The following OCA2 variants were observed in gnomAD, a reference collection of about 807,000 sequenced individuals.
The protein encoded by OCA2 is P protein.
OCA2 carries 77 observed loss-of-function variants against 100.2 expected under a neutral mutation model. The ratio of observed to expected loss-of-function variants is 0.77; its 90% confidence interval spans 0.64 to 0.93. OCA2 has a LOEUF of 0.93. OCA2 is among the 40% of genes least tolerant of loss of function. OCA2 has a pLI of 0.00. For synonymous variants in OCA2, 432 were observed against 439.2 expected (o/e 0.98, Z 0.21); for missense variants, 1,062 against 1,089.1 (o/e 0.98, Z 0.35).
chr15:28,053,553 C>A (rs886715201), intron 2 of OCA2, among the ~76,000 whole-genome samples: 1 of 152,184 alleles, frequency 6.6e-6, no homozygotes, highest in Non-Finnish European at 1.5e-5. Flanking sequence ...ACAGCTGTTC[C>A]ACTCAGGGCT....
intron 4 of OCA2, among the ~76,000 whole-genome samples, chr15:28,025,663 CA>C (rs2042727808): frequency 6.6e-6 from 1 of 152,234 alleles, no homozygotes. Context: ...AGCCAGACCC[CA>C]TCACCCAATG....
rs913485252 is a variant in OCA2, at chr15:28,031,408, C to T, written c.326+657G>A. Among the ~76,000 whole-genome samples, 5 of 152,312 alleles carry T rather than the reference C, an allele frequency of 3.3e-5. No individual in the cohort carries two copies. In the South Asian group the frequency reaches 6.2e-4, roughly 19 times the overall value. The stretch of plus-strand genomic sequence containing the variant: ...TGGAGCAGGCGGCTCAGGCTTCTGG[C>T]GGTTTGTTTGCAGAAAGAAAAGAAG... On this transcript the variant is annotated intron_variant, in intron 3 of 23. Transcript: ENST00000354638.
chr15:27,847,294 G>A (rs1205836803), intron 22 of OCA2, among the ~76,000 whole-genome samples: 3 of 152,238 alleles, frequency 2.0e-5, no homozygotes, highest in Non-Finnish European at 4.4e-5. Context: ...AGGGCGGGGA[G>A]CTGGTGCTAG....
chr15:27,890,467 T>C (rs1196995519), intron 19 of OCA2, among the ~76,000 whole-genome samples: 1 of 152,184 alleles, frequency 6.6e-6, no homozygotes, highest in Non-Finnish European at 1.5e-5. Flanking sequence ...AGCCAGAAAG[T>C]ACTATGCGTT....
intron 1 of OCA2, 149 bp from the exon 2 acceptor site, chr15:28,082,044 G>A (rs2044651847): frequency 1.5e-6 from 1 of 688,060 alleles, no homozygotes; most frequent in South Asian, 1.8e-5. Context: ...TTTCACCCTA[G>A]TGAGAAGTGA....
intron 23 of OCA2, among the ~76,000 whole-genome samples, chr15:27,760,626 C>T (rs2030760974): frequency 1.3e-5 from 2 of 151,838 alleles, no homozygotes; most frequent in African/African-American, 4.8e-5. Flanking sequence ...AAACAGGAGT[C>T]ATCACAAAAA....
chr15:27,820,507 A>G (rs1225839849), intron 23 of OCA2, among the ~76,000 whole-genome samples: 1 of 152,224 alleles, frequency 6.6e-6, no homozygotes, highest in Non-Finnish European at 1.5e-5. Flanking sequence ...CCTACAAGAC[A>G]CATGACCGAT....
At chr15:27,920,058 A>G (rs2038802855) in intron 19 of OCA2, among the ~76,000 whole-genome samples, 1 of 152,156 alleles carries the variant, frequency 6.6e-6, no homozygotes, top group South Asian at 2.1e-4. Context: ...AGAGACAAAG[A>G]TAAGGAAAAA....
At chr15:27,988,334 T>C (rs1252405446) in intron 11 of OCA2, among the ~76,000 whole-genome samples, 1 of 151,282 alleles carries the variant, frequency 6.6e-6, no homozygotes, top group African/African-American at 2.4e-5. Context: ...AAAATTCATA[T>C]GTTCACCTCC....
chr15:27,814,929 T>C lies in OCA2; in HGVS notation c.2432+30030A>G, dbSNP rs192345091. ...ATAGATAGATAGATAGATAGATAGA[T>C]AGATAGATAGATAGATACAGAGATA... On this transcript the variant is annotated intron_variant, in intron 23 of 23. Coordinates refer to ENST00000354638, the MANE Select transcript of OCA2 (RefSeq NM_000275.3). Among the ~76,000 whole-genome samples, 14 of 149,564 alleles carry C rather than the reference T, an allele frequency of 9.4e-5. No individual in the cohort carries two copies. In the East Asian group the frequency reaches 1.2e-3, roughly 13 times the overall value.
In OCA2 at chr15:27,957,483, A is replaced by G; in HGVS notation, c.1784+105T>C. 7.5e-7 allele frequency: 1 copy of G among 1,332,876 alleles called. No individual in the cohort carries two copies. Among genetic ancestry groups the G allele is most frequent in the Non-Finnish European group, 1.1e-6 (1 of 931,940 alleles). The allele number at this position is 1,332,876 out of a possible 1,614,324, so 82.6% of individuals were successfully genotyped here. ...TAAGAGGCTTAGCACAGTGTGCGTC[A>G]CCTAAATATCACGTATTAGTATACA... is the stretch of plus-strand genomic sequence containing the variant. On this transcript the variant is annotated intron_variant, in intron 16 of 23. Coordinates refer to ENST00000354638, the MANE Select transcript of OCA2 (RefSeq NM_000275.3). The surrounding 1 kb of genome is among the most constrained non-coding windows in gnomAD (Gnocchi z 4.3).
intron 23 of OCA2, among the ~76,000 whole-genome samples, chr15:27,823,577 C>A (rs1433866116): frequency 6.6e-6 from 1 of 152,044 alleles, no homozygotes; most frequent in Admixed American, 6.6e-5. Flanking sequence ...CAAAAGAAAT[C>A]AAAAACATTT....
At chr15:27,840,237 A>G (rs550044422) in intron 23 of OCA2, among the ~76,000 whole-genome samples, 1 of 152,152 alleles carries the variant, frequency 6.6e-6, no homozygotes, top group African/African-American at 2.4e-5. Context: ...GCAGCAATGA[A>G]CAAGGCAGAA....
chr15:27,736,800 C>A, the OCA2 span, among the ~76,000 whole-genome samples: 1 of 152,082 alleles, frequency 6.6e-6, no homozygotes, highest in African/African-American at 2.4e-5. Flanking sequence ...ATGTTGAAAG[C>A]TTTCACTATG....
rs569150490 is a variant in OCA2, at chr15:27,986,136, G to A, written c.1239+451C>T. ...GACAGGACAGGTACAAATCCTGGAGGCCAGAGCTGGCTGGTGAAGCTCCCC... is the reference window on the plus strand; with the variant it reads ...GACAGGACAGGTACAAATCCTGGAGACCAGAGCTGGCTGGTGAAGCTCCCC... On this transcript the variant is annotated intron_variant, in intron 12 of 23. Transcript: ENST00000354638. 5.3e-5 allele frequency among the ~76,000 whole-genome samples: 8 copies of A among 152,300 alleles called. No homozygotes were observed. The East Asian group carries it at 1.2e-3, about 22-fold the overall frequency.
intron 15 of OCA2, among the ~76,000 whole-genome samples, chr15:27,965,503 C>T (rs2040535406): frequency 6.6e-6 from 1 of 152,158 alleles, no homozygotes; most frequent in African/African-American, 2.4e-5. Context: ...GAAAGTCACA[C>T]AGATCTGTCT....
chr15:28,095,487 C>A (rs1282049442), intron 1 of OCA2, among the ~76,000 whole-genome samples: 3 of 152,152 alleles, frequency 2.0e-5, no homozygotes, highest in African/African-American at 7.2e-5. Context: ...AAGACCAAGG[C>A]GGACGGATCA....
At chr15:27,951,103 G>A (rs899797783) in intron 18 of OCA2, among the ~76,000 whole-genome samples, 1 of 152,180 alleles carries the variant, frequency 6.6e-6, no homozygotes, top group Non-Finnish European at 1.5e-5. Context: ...CTGGGAGAGT[G>A]GAGAACGTTT....
At chr15:28,059,946 A>G (rs1254163175) in intron 2 of OCA2, among the ~76,000 whole-genome samples, 5 of 152,222 alleles carry the variant, frequency 3.3e-5, no homozygotes, top group South Asian at 2.1e-4. Flanking sequence ...CAGACTCCCA[A>G]TCAGGATTTC....
Sources: allele counts gnomAD v4.1 joint callset (sites outside exome capture counted in the v4.1 genomes callset), GRCh38; gene constraint gnomAD v4.1.1; non-coding constraint Gnocchi (gnomAD v3.1); transcripts MANE v1.5; gene names NCBI Gene and HGNC (gene_info 2026-07-23, HGNC 2026-07-21).